The following CACNA2D1 variants were observed in gnomAD, a reference collection of about 807,000 sequenced individuals.
CACNA2D1 encodes the protein calcium voltage-gated channel auxiliary subunit alpha2delta 1.
In CACNA2D1, 53 loss-of-function variants were observed where a neutral mutation model predicts 171.5. The ratio of observed to expected loss-of-function variants is 0.31; its 90% CI spans 0.25 to 0.39. CACNA2D1 has a LOEUF of 0.39. Ranked by LOEUF, CACNA2D1 falls within the 10% of genes least tolerant of loss-of-function variation. The pLI is 1.00. For synonymous variants in CACNA2D1, 442 were observed against 443.1 expected, an observed-to-expected ratio of 1.00 and a Z score of 0.03; for missense variants, 903 against 1,299.8, an observed-to-expected ratio of 0.69 and a Z score of 4.69.
intron 7 of CACNA2D1, among the ~76,000 whole-genome samples, chr7:82,074,926 A>C (rs191025291): frequency 6.6e-6 from 1 of 152,078 alleles, no homozygotes; most frequent in Non-Finnish European, 1.5e-5. Context: ...GGTTTGTTAC[A>C]TAGGTACACA....
intron 3 of CACNA2D1, among the ~76,000 whole-genome samples, chr7:82,231,671 T>C (rs1278844350): frequency 6.6e-6 from 1 of 152,104 alleles, no homozygotes; most frequent in Non-Finnish European, 1.5e-5. Context: ...TTACATTTAT[T>C]ATGCACTTTC....
At chr7:82,322,125 CAAAAAAAAAAAAAAAA>C (rs71093373) in intron 3 of CACNA2D1, among the ~76,000 whole-genome samples, 6 of 43,636 alleles carry the variant, frequency 1.4e-4, no homozygotes, top group African/African-American at 1.6e-4. Context: ...GACTCCGTCT[CAAAAAAAAAAAAAAAA>C]AAAAAAAAAA....
rs1830661209 is a variant in CACNA2D1 at position 82,443,375 on chromosome 7, A to C, written c.85T>G (p.Ser29Ala). Reference protein sequence around the residue: ...IGPSSEEPFPSAVTIKSWVDK... With the variant: ...IGPSSEEPFPAAVTIKSWVDK... ...GGCCCGCCGACTTACGTGACGGCCG[A>C]AGGGAACGGCTCCTCCGACGAGGGG... The change falls in exon 1 of 39, where the codon TCG (serine) becomes GCG (alanine). Residue 29 changes from serine (S) to alanine (A), a missense_variant. Ser to Ala is a moderately conservative substitution (Grantham distance 99). This residue lies in a region of CACNA2D1 where 189 missense variants were observed against 266.8 expected (regional missense o/e 0.71). Coordinates refer to ENST00000356860, the MANE Select transcript of CACNA2D1 (RefSeq NM_000722.4). 6.2e-7 allele frequency: 1 copy of C among 1,601,156 alleles called. No homozygotes were observed. The highest frequency in any genetic ancestry group is 8.5e-7 in the Non-Finnish European group (1 of 1,173,628).
intron 15 of CACNA2D1, among the ~76,000 whole-genome samples, chr7:82,009,940 C>G (rs1215706784): frequency 2.0e-5 from 3 of 152,058 alleles, no homozygotes; most frequent in Admixed American, 2.0e-4. Context: ...GAACTCTCCA[C>G]AATATTGTCC....
chr7:82,146,477 T>C (rs879704204), intron 4 of CACNA2D1, among the ~76,000 whole-genome samples: 4,291 of 104,398 alleles, frequency 0.041, 412 homozygotes, highest in East Asian at 0.11. Context: ...TATATCTTTA[T>C]ATATACATAT....
rs1563477164 is a variant in CACNA2D1 at position 82,389,479 on chromosome 7, T to G, written c.96-39830A>C. ...TGTCCTGAGTTCTTCACTTCCATTC[T>G]TAAATATATATTCTGTTAACAACAC... On this transcript the variant is annotated intron_variant, in intron 1 of 38. Transcript: ENST00000356860. Among the ~76,000 whole-genome samples the G allele has an allele frequency of 3.3e-5, 5 of 152,288 alleles. No homozygotes were observed. In the East Asian group the frequency reaches 9.7e-4, roughly 29 times the overall value.
intron 2 of CACNA2D1, among the ~76,000 whole-genome samples, chr7:82,336,250 T>A (rs1267561304): frequency 6.6e-6 from 1 of 152,178 alleles, no homozygotes; most frequent in Non-Finnish European, 1.5e-5. Context: ...TACCAACAGG[T>A]TCTACAGTAT....
At chr7:82,109,786 C>G (rs1368516506) in intron 6 of CACNA2D1, among the ~76,000 whole-genome samples, 1 of 152,094 alleles carries the variant, frequency 6.6e-6, no homozygotes, top group Non-Finnish European at 1.5e-5. Context: ...TAGATAGATT[C>G]CTTGCATTAC....
rs1562982292 is a variant in CACNA2D1 at position 82,060,216 on chromosome 7, ATATATAATATATATATATAATATG to A, written c.879+188_879+211del. Among the ~76,000 whole-genome samples, 71 of 59,598 alleles carry A rather than the reference ATATATAATATATATATATAATATG, an allele frequency of 1.2e-3. 9 individuals carry two copies. Among genetic ancestry groups the A allele is most frequent in the Non-Finnish European group, 1.2e-3 (39 of 33,314 alleles). The allele number at this position is 59,598 out of a possible 152,430, so 39.1% of individuals were successfully genotyped here. On this transcript the variant is annotated intron_variant, in intron 10 of 38. Transcript: ENST00000356860. ...TATATATATATTATATATATAATATATATATAATATATATATATAATATGTATAAAAAACCTTAAAAAAAGAATT... is the reference window on the plus strand; with the variant it reads ...TATATATATATTATATATATAATATATATAAAAAACCTTAAAAAAAGAATT...
At chr7:82,411,895 TCACACACACA>T (rs5885295) in intron 1 of CACNA2D1, among the ~76,000 whole-genome samples, 2 of 144,886 alleles carry the variant, frequency 1.4e-5, no homozygotes, top group African/African-American at 2.5e-5. Context: ...AAACTAAATC[TCACACACACA>T]CACACACACA....
intron 10 of CACNA2D1, among the ~76,000 whole-genome samples, chr7:82,059,698 G>A (rs976052594): frequency 6.6e-6 from 1 of 151,780 alleles, no homozygotes; most frequent in African/African-American, 2.4e-5. Context: ...AGAATTATAA[G>A]AAGATCCACG....
chr7:82,001,168 T>C (rs1798570512), intron 18 of CACNA2D1, among the ~76,000 whole-genome samples: 1 of 152,154 alleles, frequency 6.6e-6, no homozygotes, highest in Admixed American at 6.5e-5. Context: ...ATTCACTACT[T>C]ATTTGCACTT....
chr7:82,190,402 G>T (rs929421379), intron 3 of CACNA2D1, among the ~76,000 whole-genome samples: 4 of 151,700 alleles, frequency 2.6e-5, no homozygotes, highest in African/African-American at 9.7e-5. Flanking sequence ...ATTACTAAAA[G>T]ACAATAGCAA....
At chr7:82,310,664 G>A (rs1186713244) in intron 3 of CACNA2D1, among the ~76,000 whole-genome samples, 1 of 152,048 alleles carries the variant, frequency 6.6e-6, no homozygotes, top group East Asian at 1.9e-4. Context: ...GGGGAAGGGA[G>A]AGAGAAACAG....
At chr7:82,431,201 A>G (rs1356459175) in intron 1 of CACNA2D1, among the ~76,000 whole-genome samples, 2 of 152,190 alleles carry the variant, frequency 1.3e-5, no homozygotes, top group Admixed American at 6.5e-5. Context: ...CCTGCTAAGC[A>G]TCCCTTTTTC....
intron 1 of CACNA2D1, among the ~76,000 whole-genome samples, chr7:82,438,799 G>A (rs1830288718): frequency 6.6e-6 from 1 of 152,152 alleles, no homozygotes; most frequent in Non-Finnish European, 1.5e-5. Context: ...TGTTCCCCAT[G>A]GAAAGCAGCT....
chr7:82,385,040 C>T (rs1005139034), intron 1 of CACNA2D1, among the ~76,000 whole-genome samples: 7 of 152,202 alleles, frequency 4.6e-5, no homozygotes, highest in African/African-American at 1.7e-4. Context: ...GCATTAATGA[C>T]TCCCTCCCCT....
chr7:82,061,863 G>A (rs888977473), intron 9 of CACNA2D1, among the ~76,000 whole-genome samples: 5 of 152,138 alleles, frequency 3.3e-5, no homozygotes, highest in Non-Finnish European at 5.9e-5. Context: ...GGGAGCACAG[G>A]ATTGGTTGAG....
At chr7:82,156,498 T>C (rs1274923075) in intron 4 of CACNA2D1, among the ~76,000 whole-genome samples, 1 of 152,142 alleles carries the variant, frequency 6.6e-6, no homozygotes, top group Non-Finnish European at 1.5e-5. Context: ...CAACTTTTGC[T>C]CTACATTCGC....
Sources: allele counts gnomAD v4.1 joint callset (sites outside exome capture counted in the v4.1 genomes callset), GRCh38; gene constraint gnomAD v4.1.1; regional missense constraint gnomAD v4.1.1; transcripts MANE v1.5; gene names NCBI Gene and HGNC (gene_info 2026-07-23, HGNC 2026-07-21).